The following TASP1 variants were observed in gnomAD, a reference collection of about 807,000 sequenced individuals.
TASP1 encodes threonine aspartase 1.
In TASP1, 16 loss-of-function variants were observed where a neutral mutation model predicts 56.6. The observed-to-expected ratio is 0.28, with a 90% CI of 0.19 to 0.43. The LOEUF (loss-of-function observed/expected upper bound fraction) is 0.43, where lower values mean the gene tolerates loss of function less well. Among genes scored for constraint, TASP1 ranks in the 20% least tolerant of loss-of-function variants. The pLI, the probability that TASP1 is intolerant of heterozygous loss-of-function variation, is 1.00. For missense variants in TASP1, 393 were observed against 511.6 expected, an observed-to-expected ratio of 0.77 and a Z score of 2.24; for synonymous variants, 179 against 184.2, an observed-to-expected ratio of 0.97 and a Z score of 0.23.
chr20:13,109,107 A>T, the TASP1 span, among the ~76,000 whole-genome samples: 1 of 152,234 alleles, frequency 6.6e-6, no homozygotes, highest in Non-Finnish European at 1.5e-5. Context: ...GTACATATAT[A>T]CCAAACAGCT....
At chr20:13,199,585 C>T in the TASP1 span, among the ~76,000 whole-genome samples, 4 of 152,190 alleles carry the variant, frequency 2.6e-5, no homozygotes, top group African/African-American at 4.8e-5. Context: ...TTTCATCCTG[C>T]GGTACAAGAG....
At chr20:13,588,925 T>C (rs6042227) in intron 4 of TASP1, among the ~76,000 whole-genome samples, 48,575 of 151,986 alleles carry the variant, frequency 0.32, 9,350 homozygotes, top group African/African-American at 0.54. Flanking sequence ...GACAGTGTAA[T>C]ATAGACATAT....
intron 13 of TASP1, among the ~76,000 whole-genome samples, chr20:13,412,474 T>C (rs1052167417): frequency 1.3e-5 from 2 of 152,208 alleles, no homozygotes; most frequent in Non-Finnish European, 2.9e-5. Flanking sequence ...ATTCACATAG[T>C]TGGGAGTAGA....
At chr20:13,500,208 G>A (rs554564118) in intron 10 of TASP1, among the ~76,000 whole-genome samples, 1 of 148,710 alleles carries the variant, frequency 6.7e-6, no homozygotes, top group Admixed American at 6.8e-5. Context: ...ATTTATATAT[G>A]TTTATATGTA....
At chr20:13,242,956 A>G in the TASP1 span, among the ~76,000 whole-genome samples, 191 of 152,320 alleles carry the variant, frequency 1.3e-3, no homozygotes, top group East Asian at 0.018. Flanking sequence ...AACCGTCAAA[A>G]CAACACCTTG....
chr20:13,548,590 T>C (rs1315509323), intron 8 of TASP1, among the ~76,000 whole-genome samples: 1 of 152,030 alleles, frequency 6.6e-6, no homozygotes. Flanking sequence ...TGGTGAAGGT[T>C]TGACTGTGAA....
chr20:13,352,286 C>CA, the TASP1 span, among the ~76,000 whole-genome samples: 1 of 151,916 alleles, frequency 6.6e-6, no homozygotes, highest in African/African-American at 2.4e-5. Context: ...CCCATCTTTA[C>CA]AAAAAATACA....
intron 10 of TASP1, among the ~76,000 whole-genome samples, chr20:13,493,501 C>T (rs1488398943): frequency 1.3e-5 from 2 of 152,162 alleles, no homozygotes; most frequent in East Asian, 1.9e-4. Flanking sequence ...TGCCCTTGGA[C>T]ATCATACTTC....
the TASP1 span, among the ~76,000 whole-genome samples, chr20:13,310,582 A>G: frequency 3.3e-5 from 5 of 152,244 alleles, no homozygotes; most frequent in African/African-American, 1.2e-4. Context: ...GTTTGCATCA[A>G]AGGAAAAAGG....
intron 4 of TASP1, among the ~76,000 whole-genome samples, chr20:13,589,425 T>C (rs943512592): frequency 3.9e-5 from 6 of 152,102 alleles, no homozygotes; most frequent in African/African-American, 1.4e-4. Context: ...AAAATGAAGT[T>C]GGACCCCTAT....
chr20:13,560,967 C>T (rs2046325667), intron 7 of TASP1, among the ~76,000 whole-genome samples: 1 of 152,154 alleles, frequency 6.6e-6, no homozygotes, highest in Non-Finnish European at 1.5e-5. Context: ...TCTTGAAAAG[C>T]AGATTATCAC....
chr20:13,580,971 GT>G lies in TASP1; in HGVS notation c.413del (p.Asn138ThrfsTer28). The G allele has an allele frequency of 2.5e-6, 4 of 1,596,486 alleles. No individual in the cohort carries two copies. Among genetic ancestry groups the G allele is most frequent in the Non-Finnish European group, 3.4e-6 (4 of 1,171,894 alleles). On this transcript the variant is annotated frameshift_variant, in exon 6 of 14. Transcript: ENST00000337743. LOFTEE classifies it high-confidence loss of function. ...GAVGALSGIK[N>X]PVSVANRLLC... ...AGAGTCTGTTGGCAACCGAGACTGG[GT>G]TCTTGATTCCTATAAAAAAAAAAAA...
chr20:13,143,290 A>G, the TASP1 span, among the ~76,000 whole-genome samples: 1 of 152,182 alleles, frequency 6.6e-6, no homozygotes, highest in South Asian at 2.1e-4. Context: ...TCTTTGGTTC[A>G]AATTAATAGT....
At chr20:13,376,312 C>A in the TASP1 span, among the ~76,000 whole-genome samples, 2 of 152,208 alleles carry the variant, frequency 1.3e-5, no homozygotes, top group Non-Finnish European at 2.9e-5. Flanking sequence ...GTTTTCCCAA[C>A]ACCATTTATT....
At chr20:13,477,105 T>C (rs1173955338) in intron 11 of TASP1, among the ~76,000 whole-genome samples, 2 of 152,124 alleles carry the variant, frequency 1.3e-5, no homozygotes, top group African/African-American at 4.8e-5. Flanking sequence ...GGTACTTTTG[T>C]TCTTCCTATG....
intron 6 of TASP1, among the ~76,000 whole-genome samples, chr20:13,573,442 T>C (rs1041380165): frequency 6.6e-6 from 1 of 152,206 alleles, no homozygotes; most frequent in Non-Finnish European, 1.5e-5. Context: ...ACTTGTATTG[T>C]TTATAAGCTA....
intron 4 of TASP1, among the ~76,000 whole-genome samples, chr20:13,597,395 C>T (rs1407912296): frequency 2.0e-5 from 3 of 152,178 alleles, no homozygotes; most frequent in African/African-American, 7.2e-5. Flanking sequence ...AATCAATAAA[C>T]ATAATCCATC....
At chr20:13,618,815 G>T (rs1007637896) in intron 4 of TASP1, among the ~76,000 whole-genome samples, 1 of 151,236 alleles carries the variant, frequency 6.6e-6, no homozygotes, top group African/African-American at 2.4e-5. Context: ...TTTAACAAAG[G>T]AACCTGTATA....
intron 2 of TASP1, among the ~76,000 whole-genome samples, chr20:13,628,611 G>A (rs1191040738): frequency 6.6e-6 from 1 of 152,100 alleles, no homozygotes; most frequent in Non-Finnish European, 1.5e-5. Flanking sequence ...AACGTTAATG[G>A]CCAGGCAGGA....
Sources: allele counts gnomAD v4.1 joint callset (sites outside exome capture counted in the v4.1 genomes callset), GRCh38; gene constraint gnomAD v4.1.1; transcripts MANE v1.5; gene names NCBI Gene and HGNC (gene_info 2026-07-23, HGNC 2026-07-21).